Variants in PHF10 observed in about 807,000 individuals in gnomAD.
The protein encoded by PHF10 is PHD finger protein 10, also known as BRG1-associated factor 45a.
In PHF10, 51 loss-of-function variants were observed where a neutral mutation model predicts 68.5. The ratio of observed to expected loss-of-function variants is 0.74; its 90% CI spans 0.59 to 0.94. The LOEUF is 0.94. Among genes scored for constraint, PHF10 ranks in the 40% least tolerant of loss-of-function variants. The pLI, the probability that PHF10 is intolerant of heterozygous loss-of-function variation, is 0.00. For synonymous variants in PHF10, 204 were observed against 203.5 expected, an observed-to-expected ratio of 1.00 and a Z score of -0.02; for missense variants, 460 against 602.6, an observed-to-expected ratio of 0.76 and a Z score of 2.48.
At chr6:169,706,238 TA>T (rs1396363839) in intron 9 of PHF10, among the ~76,000 whole-genome samples, 1 of 152,202 alleles carries the variant, frequency 6.6e-6, no homozygotes, top group Non-Finnish European at 1.5e-5. Flanking sequence ...AAAATCAGTT[TA>T]AACATTTTTA....
Position 169,717,867 on chromosome 6 carries a change from TAG to T in PHF10, c.363_364del (p.Tyr122ProfsTer9). The T allele has an allele frequency of 6.3e-7, 1 of 1,575,664 alleles. No individual in the cohort carries two copies. Among genetic ancestry groups the T allele is most frequent in the Non-Finnish European group, 8.7e-7 (1 of 1,150,504 alleles). The stretch of plus-strand genomic sequence containing the variant: ...AGTAATGACATTTAGCTCTCTCAGG[TAG>T]AGTTTCTCCTTGTGAGACAAATCTC... On this transcript the variant is annotated frameshift_variant, in exon 4 of 12. Coordinates refer to ENST00000339209, the MANE Select transcript of PHF10 (RefSeq NM_018288.4). LOFTEE classifies it high-confidence loss of function.
rs757108162 is a variant in PHF10 at position 169,712,377 on chromosome 6, T to C, written c.957+9A>G. On this transcript the variant is annotated intron_variant, in intron 8 of 11. Coordinates refer to ENST00000339209, the MANE Select transcript of PHF10 (RefSeq NM_018288.4). ...GGAAATGCTTCCTACTAGAGAGAAATGTTCTCACCGAAGTGCCTTTATTTT... is the reference window on the plus strand; with the variant it reads ...GGAAATGCTTCCTACTAGAGAGAAACGTTCTCACCGAAGTGCCTTTATTTT... 2.5e-6 allele frequency: 4 copies of C among 1,611,932 alleles called. No individual in the cohort carries two copies. Among genetic ancestry groups the C allele is most frequent in the South Asian group, 1.1e-5 (1 of 90,986 alleles).
At chr6:169,721,162 C>A in intron 1 of PHF10, 51 bp from the exon 2 acceptor site, 1 of 1,010,982 alleles carries the variant, frequency 9.9e-7, no homozygotes. Flanking sequence ...AATAAAAGAA[C>A]AGTAAGTCTC....
At chr6:169,708,019 A>C (rs1788844840) in intron 9 of PHF10, 1 of 152,220 alleles carries the variant, frequency 6.6e-6, no homozygotes, top group Non-Finnish European at 1.5e-5. Context: ...GGAGGGGTTA[A>C]TGTGCAGCAC....
chr6:169,714,848 T>A lies in PHF10; in HGVS notation c.694-6A>T. ...CCTTGAGGTACCTGGATAACCTACG[T>A]TAACATAAAGAGAAACACAAAACTG... is the stretch of plus-strand genomic sequence containing the variant. On this transcript the variant is annotated splice_region_variant and splice_polypyrimidine_tract_variant and intron_variant, in intron 6 of 11. Coordinates refer to ENST00000339209, the MANE Select transcript of PHF10 (RefSeq NM_018288.4). 1.4e-6 allele frequency: 2 copies of A among 1,394,446 alleles called. No individual in the cohort carries two copies. Among genetic ancestry groups the A allele is most frequent in the Non-Finnish European group, 2.0e-6 (2 of 979,594 alleles). 86.4% of individuals were successfully genotyped at this position (1,394,446 alleles called of 1,614,324 possible).
intron 7 of PHF10, among the ~76,000 whole-genome samples, chr6:169,713,176 T>C (rs755666196): frequency 2.0e-5 from 3 of 152,154 alleles, no homozygotes; most frequent in African/African-American, 4.8e-5. Flanking sequence ...ATTCTCACCC[T>C]CAGTAGCCCC....
At chr6:169,712,362 C>T in intron 8 of PHF10, 24 bp downstream of exon 8, 1 of 1,603,054 alleles carries the variant, frequency 6.2e-7, no homozygotes, top group Non-Finnish European at 8.5e-7. Flanking sequence ...GGAAATGCTT[C>T]CTACTAGAGA....
At position 169,723,947 on chromosome 6, in the gene PHF10, GCGCCGCCGC is replaced by G. The variant is rs1171146413; in HGVS notation, c.-25_-17del. The G allele has an allele frequency of 2.3e-6, 2 of 883,258 alleles. No homozygotes were observed. Among genetic ancestry groups the G allele is most frequent in the African/African-American group, 1.9e-5 (1 of 53,754 alleles). 54.7% of individuals were successfully genotyped at this position (883,258 alleles called of 1,614,324 possible). A position where few individuals can be genotyped will look rare whatever the true frequency, so the allele number is the denominator to read the frequency against. On this transcript the variant is annotated 5_prime_UTR_variant, in exon 1 of 12. Coordinates refer to ENST00000339209, the MANE Select transcript of PHF10 (RefSeq NM_018288.4). The stretch of plus-strand genomic sequence containing the variant: ...CCGCCGCCATCAGCCCGAGCGCCCC[GCGCCGCCGC>G]CGCCGCCGTCGCCTCCGCCTTGTCC...
chr6:169,710,320 T>C lies in PHF10; in HGVS notation c.1029A>G (p.Arg343=), dbSNP rs1445601747. 1.1e-5 allele frequency: 18 copies of C among 1,612,490 alleles called. No homozygotes were observed. The Admixed American group carries it at 2.0e-4, about 18-fold the overall frequency. Residue 343 remains arginine (R), a synonymous_variant, in exon 9 of 12, where the codon AGA becomes AGG. Transcript: ENST00000339209. ...PDSQEDSFQG[R]QKSKDKAATP... ...TGGCAGCTTTGTCTTTTGATTTCTG[T>C]CTTCCCTGGAAAGAGTCCTCCTGGC...
chr6:169,712,441 G>T lies in PHF10; in HGVS notation c.902C>A (p.Ser301Ter). ...ACCTCGACCATCTTCGCCATCATCT[G>T]AATCACCATCACTGTCTAGAGCAGG... ...ELPALDSDGD[S>*]DDGEDGRGDE... The change falls in exon 8 of 12, where the codon TCA (serine) becomes TAA (stop). Residue 301 changes from serine (S) to a stop codon, truncating the protein, a stop_gained. Transcript: ENST00000339209. LOFTEE classifies it high-confidence loss of function. 1 of 1,614,040 alleles carries T rather than the reference G, an allele frequency of 6.2e-7. No individual in the cohort carries two copies. The highest frequency in any genetic ancestry group is 8.5e-7 in the Non-Finnish European group (1 of 1,179,918).
intron 2 of PHF10, among the ~76,000 whole-genome samples, chr6:169,720,712 TG>T: frequency 2.6e-5 from 4 of 152,260 alleles, no homozygotes; most frequent in Admixed American, 2.6e-4. Context: ...GTTTTGGAAA[TG>T]GATGGTGGTA....
At chr6:169,708,371 TAAGCA>T (rs1788854274) in intron 9 of PHF10, 1 of 152,190 alleles carries the variant, frequency 6.6e-6, no homozygotes, top group Non-Finnish European at 1.5e-5. Flanking sequence ...TGAATCTTAT[TAAGCA>T]AAGCATCAGA....
intron 11 of PHF10, 123 bp downstream of exon 11, chr6:169,705,010 G>T: frequency 1.6e-6 from 1 of 611,672 alleles, no homozygotes; most frequent in Non-Finnish European, 2.8e-6. Context: ...TCACAGCTTT[G>T]GTCATATTTG....
Position 169,712,551 on chromosome 6 carries a change from A to T in PHF10, c.804-12T>A. The T allele has an allele frequency of 1.3e-6, 2 of 1,598,016 alleles. No individual in the cohort carries two copies. The highest frequency in any genetic ancestry group is 1.7e-6 in the Non-Finnish European group (2 of 1,175,442). ...CATCTGGTGAGTACCTGAAGTTCAG[A>T]GAGTTTATTTTTGGTTTCCCTTTAT... is the stretch of plus-strand genomic sequence containing the variant. On this transcript the variant is annotated splice_polypyrimidine_tract_variant and intron_variant, in intron 7 of 11. Coordinates refer to ENST00000339209, the MANE Select transcript of PHF10 (RefSeq NM_018288.4).
intron 9 of PHF10, chr6:169,708,549 G>T (rs1179625963): frequency 1.3e-5 from 2 of 152,054 alleles, no homozygotes; most frequent in Non-Finnish European, 2.9e-5. Context: ...GATACTGGTT[G>T]TTCCCATCTT....
At chr6:169,716,798 A>G (rs565586869) in intron 4 of PHF10, among the ~76,000 whole-genome samples, 50 of 152,254 alleles carry the variant, frequency 3.3e-4, no homozygotes, top group African/African-American at 1.2e-3. Flanking sequence ...AGCACACTAC[A>G]ACCCCAAAGT....
At chr6:169,723,802 C>A in intron 1 of PHF10, 43 bp downstream of exon 1, 1 of 674,506 alleles carries the variant, frequency 1.5e-6, no homozygotes, top group African/African-American at 1.9e-5. Context: ...GCACCCAGGC[C>A]CGGGACGGGG....
intron 6 of PHF10, 101 bp from the exon 7 acceptor site, chr6:169,714,943 T>A (rs908837665): frequency 5.7e-6 from 4 of 698,036 alleles, no homozygotes; most frequent in African/African-American, 5.3e-5. Flanking sequence ...CACTTCCCCC[T>A]CGAAAAGCTA....
chr6:169,713,428 G>A (rs190750224), intron 7 of PHF10, among the ~76,000 whole-genome samples: 30 of 151,910 alleles, frequency 2.0e-4, no homozygotes, highest in Admixed American at 1.5e-3. Context: ...GTGAAACCCC[G>A]TCTCTACTAA....
Sources: gnomAD v4.1 joint callset for allele counts (sites outside exome capture counted in the v4.1 genomes callset) on GRCh38, gnomAD v4.1.1 for gene constraint, MANE v1.5 for transcripts, NCBI Gene and HGNC (gene_info 2026-07-23, HGNC 2026-07-21) for gene names.